ANKS1B: variants seen among roughly 807,000 people sequenced by gnomAD.
ANKS1B encodes the protein ankyrin repeat and sterile alpha motif domain containing 1B, also known as ankyrin repeat and sterile alpha motif domain-containing protein 1B.
In ANKS1B, 36 loss-of-function variants were observed where a neutral mutation model predicts 148.3. The observed-to-expected ratio is 0.24, with a 90% CI of 0.19 to 0.32. ANKS1B has a LOEUF of 0.32. Among genes scored for constraint, ANKS1B ranks in the 10% least tolerant of loss-of-function variants. The probability of loss-of-function intolerance (pLI) is 1.00; values close to 1 mark genes in which losing one functional copy is unlikely to be tolerated. For missense variants in ANKS1B, 1,157 were observed against 1,542.6 expected (o/e 0.75, Z 4.19); for synonymous variants, 542 against 560.8 (o/e 0.97, Z 0.47).
intron 25 of ANKS1B, among the ~76,000 whole-genome samples, chr12:98,763,636 A>T (rs920877816): frequency 2.0e-5 from 3 of 152,152 alleles, no homozygotes; most frequent in Non-Finnish European, 4.4e-5. Flanking sequence ...ATCTTGGTGC[A>T]TTTTCTTTTT....
At position 99,583,831 on chromosome 12, in the gene ANKS1B, G is replaced by A. The variant is rs563950119; in HGVS notation, c.1272+71236C>T. Among the ~76,000 whole-genome samples, 4 of 152,252 alleles carry A rather than the reference G, an allele frequency of 2.6e-5. No individual in the cohort carries two copies. In the South Asian group the frequency reaches 6.2e-4, roughly 24 times the overall value. On this transcript the variant is annotated intron_variant, in intron 9 of 26. Transcript: ENST00000683438. Reference sequence around the variant, plus strand: ...TCCAAAGGACTTTAATTTTAATTGAGGAACTAAAACACAGGTACATAGATT... The same window carrying A: ...TCCAAAGGACTTTAATTTTAATTGAAGAACTAAAACACAGGTACATAGATT...
At position 99,508,675 on chromosome 12, in the gene ANKS1B, A is replaced by T. The variant is rs548429866; in HGVS notation, c.1273-4034T>A. ...GCCAATCCTATCATATTGAAATTTT[A>T]ATGTTTTGCTTTGAAGGAAACATTT... On this transcript the variant is annotated intron_variant, in intron 9 of 26. Transcript: ENST00000683438. Among the ~76,000 whole-genome samples the T allele has an allele frequency of 7.9e-5, 12 of 151,908 alleles. No individual in the cohort carries two copies. In the East Asian group the frequency reaches 2.3e-3, roughly 29 times the overall value.
chr12:99,459,061 C>T (rs985953664), intron 10 of ANKS1B, among the ~76,000 whole-genome samples: 4 of 152,018 alleles, frequency 2.6e-5, no homozygotes, highest in African/African-American at 9.7e-5. Context: ...AGATAATCCA[C>T]CATGATCAAC....
At chr12:99,725,629 T>TA in intron 8 of ANKS1B, among the ~76,000 whole-genome samples, 1 of 152,280 alleles carries the variant, frequency 6.6e-6, no homozygotes, top group East Asian at 1.9e-4. Flanking sequence ...ATTCAGGACT[T>TA]AAACTCAGCT....
chr12:99,607,280 T>C (rs1174889179), intron 9 of ANKS1B, among the ~76,000 whole-genome samples: 1 of 152,034 alleles, frequency 6.6e-6, no homozygotes, highest in Non-Finnish European at 1.5e-5. Context: ...TATGGGAGCC[T>C]AGCAGTCATT....
Position 98,801,557 on chromosome 12 carries a change from T to C in ANKS1B, c.3142-432A>G, listed in dbSNP as rs1268934258. On this transcript the variant is annotated intron_variant, in intron 20 of 26. Transcript: ENST00000683438. The surrounding 1 kb of genome is among the most constrained non-coding windows in gnomAD (Gnocchi z 5.2). ...AATTTCAGTTCCCAAATATGACATG[T>C]ACTAGCCACTTTGAATAATTTTAGA... Among the ~76,000 whole-genome samples, 4 of 152,212 alleles carry C rather than the reference T, an allele frequency of 2.6e-5. No individual in the cohort carries two copies. The highest frequency in any genetic ancestry group is 2.0e-4 in the Admixed American group (3 of 15,276).
chr12:98,882,649 GGA>G (rs2099711140), intron 17 of ANKS1B, among the ~76,000 whole-genome samples: 1 of 151,808 alleles, frequency 6.6e-6, no homozygotes, highest in Non-Finnish European at 1.5e-5. Context: ...TTAATATATT[GGA>G]TATAAATAAT....
intron 9 of ANKS1B, among the ~76,000 whole-genome samples, chr12:99,633,124 T>C (rs1346797677): frequency 2.6e-5 from 4 of 151,844 alleles, no homozygotes; most frequent in African/African-American, 7.3e-5. Context: ...TTCCATGGTG[T>C]ATATGTGCCA....
At chr12:99,864,061 C>G (rs1437441610) in intron 1 of ANKS1B, among the ~76,000 whole-genome samples, 4 of 115,208 alleles carry the variant, frequency 3.5e-5, no homozygotes, top group African/African-American at 1.4e-4. Context: ...AGCCTGGCAA[C>G]AGAGCGAGAC....
intron 14 of ANKS1B, among the ~76,000 whole-genome samples, chr12:99,172,606 G>A (rs1157235320): frequency 1.3e-5 from 2 of 152,180 alleles, no homozygotes; most frequent in African/African-American, 4.8e-5. Context: ...TCAGACATGA[G>A]AGGATTCTTC....
intron 16 of ANKS1B, among the ~76,000 whole-genome samples, chr12:99,060,847 G>GT (rs1025587983): frequency 1.3e-5 from 2 of 151,508 alleles, no homozygotes; most frequent in Non-Finnish European, 2.9e-5. Flanking sequence ...ATAAAAACAG[G>GT]TAAAAAAAAT....
At chr12:99,212,988 C>T (rs773098213) in intron 14 of ANKS1B, among the ~76,000 whole-genome samples, 7 of 152,186 alleles carry the variant, frequency 4.6e-5, no homozygotes, top group Non-Finnish European at 8.8e-5. Flanking sequence ...TGAGTACCAG[C>T]GTCAGGATTC....
chr12:99,791,774 T>G (rs547562559), intron 4 of ANKS1B, among the ~76,000 whole-genome samples: 2 of 140,700 alleles, frequency 1.4e-5, no homozygotes, highest in African/African-American at 5.1e-5. Context: ...AGAAACTTTA[T>G]AGCCATCAAT....
intron 15 of ANKS1B, among the ~76,000 whole-genome samples, chr12:99,094,784 C>T (rs2055341424): frequency 6.6e-6 from 1 of 152,180 alleles, no homozygotes; most frequent in East Asian, 1.9e-4. Flanking sequence ...AATACAGAGA[C>T]TTGCAGACTC....
intron 5 of ANKS1B, among the ~76,000 whole-genome samples, chr12:99,780,496 A>ACAC (rs1430161528): frequency 6.6e-6 from 1 of 151,272 alleles, no homozygotes; most frequent in Non-Finnish European, 1.5e-5. Context: ...GTTAGCAAGG[A>ACAC]TGGTCTCGAT....
chr12:99,246,976 A>G, intron 12 of ANKS1B, 112 bp from the exon 13 acceptor site: 1 of 802,604 alleles, frequency 1.2e-6, no homozygotes, highest in Non-Finnish European at 2.0e-6. Flanking sequence ...TTACTGCTAC[A>G]TAGCAATACC....
intron 4 of ANKS1B, among the ~76,000 whole-genome samples, chr12:99,797,223 AAAGT>A (rs1567866081): frequency 6.6e-6 from 1 of 151,938 alleles, no homozygotes; most frequent in African/African-American, 2.4e-5. Flanking sequence ...GCCAAGGTGT[AAAGT>A]AAGATTTAAA....
intron 16 of ANKS1B, among the ~76,000 whole-genome samples, chr12:99,053,650 G>A (rs887285841): frequency 8.5e-5 from 13 of 152,306 alleles, no homozygotes; most frequent in Admixed American, 2.0e-4. Flanking sequence ...CATTAAATTC[G>A]ATGCGAAAGT....
At position 98,903,098 on chromosome 12, in the gene ANKS1B, T is replaced by G. The variant is rs533703083; in HGVS notation, c.2779-70962A>C. Among the ~76,000 whole-genome samples, 10 of 152,266 alleles carry G rather than the reference T, an allele frequency of 6.6e-5. No homozygotes were observed. In the South Asian group the frequency reaches 1.9e-3, roughly 28 times the overall value. ...ATTCTCTAGGAATGCACATTAAGGA[T>G]TTTGAAATATATTAGAAGGACAAAG... On this transcript the variant is annotated intron_variant, in intron 17 of 26. Coordinates refer to ENST00000683438, the MANE Select transcript of ANKS1B (RefSeq NM_001352186.2).
Sources: allele counts gnomAD v4.1 joint callset (sites outside exome capture counted in the v4.1 genomes callset), GRCh38; gene constraint gnomAD v4.1.1; non-coding constraint Gnocchi (gnomAD v3.1); transcripts MANE v1.5; gene names NCBI Gene and HGNC (gene_info 2026-07-23, HGNC 2026-07-21).